Variants in MCTP1 observed in about 807,000 individuals in gnomAD.
MCTP1 encodes the protein multiple C2 and transmembrane domain containing 1, also known as multiple C2 and transmembrane domain-containing protein 1.
MCTP1 carries 69 observed loss-of-function variants against 120.6 expected under a neutral mutation model. That is an observed-to-expected ratio of 0.57 (90% CI 0.47 to 0.70). MCTP1 has a LOEUF of 0.70. Among genes scored for constraint, MCTP1 ranks in the 30% least tolerant of loss-of-function variants. The probability of loss-of-function intolerance (pLI) is 0.00; values close to 1 mark genes in which losing one functional copy is unlikely to be tolerated. For missense variants in MCTP1, 1,203 were observed against 1,248.8 expected (o/e 0.96, Z 0.55); for synonymous variants, 529 against 493.1 (o/e 1.07, Z -0.96).
intron 1 of MCTP1, among the ~76,000 whole-genome samples, chr5:95,165,723 T>G (rs1009818011): frequency 3.3e-5 from 5 of 152,216 alleles, no homozygotes; most frequent in Admixed American, 2.0e-4. Context: ...TATCTTAATC[T>G]GTGAGTCTGT....
intron 19 of MCTP1, among the ~76,000 whole-genome samples, chr5:94,738,309 T>A (rs1327318945): frequency 6.6e-6 from 1 of 152,214 alleles, no homozygotes; most frequent in East Asian, 1.9e-4. Flanking sequence ...GATTCTCCAC[T>A]GTCTCTTAAG....
At chr5:95,011,616 C>G (rs1835970834) in intron 2 of MCTP1, among the ~76,000 whole-genome samples, 1 of 151,880 alleles carries the variant, frequency 6.6e-6, no homozygotes, top group Non-Finnish European at 1.5e-5. Flanking sequence ...CTCCCTCACT[C>G]TCTCTCTCTC....
intron 9 of MCTP1, among the ~76,000 whole-genome samples, chr5:94,910,655 A>T (rs1808310272): frequency 6.6e-6 from 1 of 152,218 alleles, no homozygotes; most frequent in South Asian, 2.1e-4. Flanking sequence ...GCTGGGTTTC[A>T]TATTTCATAC....
At chr5:94,996,628 G>A (rs536388006) in intron 2 of MCTP1, among the ~76,000 whole-genome samples, 169 of 152,200 alleles carry the variant, frequency 1.1e-3, no homozygotes, top group African/African-American at 3.9e-3. Flanking sequence ...ATACTGTATT[G>A]TTTATGGTAT....
chr5:94,825,983 G>T, intron 17 of MCTP1: 1 of 271,434 alleles, frequency 3.7e-6, no homozygotes, highest in South Asian at 5.5e-5. Flanking sequence ...TAAGCCTGTT[G>T]ATCTGGTCCT....
chr5:94,875,811 GAA>G (rs1426663873), intron 12 of MCTP1, among the ~76,000 whole-genome samples: 4 of 150,726 alleles, frequency 2.7e-5, no homozygotes, highest in Admixed American at 6.6e-5. Flanking sequence ...GATATTTCTA[GAA>G]TCTGACAAAG....
chr5:95,263,510 G>A (rs1242343340), intron 1 of MCTP1, among the ~76,000 whole-genome samples: 6 of 152,022 alleles, frequency 3.9e-5, no homozygotes, highest in East Asian at 1.9e-4. Context: ...TCTCACCCAC[G>A]CCCACTGCTC....
chr5:95,138,233 A>ACG (rs558143445), intron 1 of MCTP1, among the ~76,000 whole-genome samples: 1 of 142,532 alleles, frequency 7.0e-6, no homozygotes, highest in African/African-American at 2.6e-5. Context: ...GTGAGATGCA[A>ACG]CCCCCCCCCG....
intron 17 of MCTP1, among the ~76,000 whole-genome samples, chr5:94,855,826 G>A (rs1027572325): frequency 2.0e-5 from 3 of 151,566 alleles, no homozygotes; most frequent in Admixed American, 6.6e-5. Context: ...TCTCAATAAC[G>A]TTTCTCTGAT....
chr5:95,032,809 A>C (rs2151781125), intron 1 of MCTP1, among the ~76,000 whole-genome samples: 1 of 152,126 alleles, frequency 6.6e-6, no homozygotes, highest in African/African-American at 2.4e-5. Context: ...TTGTTTCTTC[A>C]AAAGGATAAA....
chr5:94,725,705 G>A lies in MCTP1; in HGVS notation c.2611-10819C>T, dbSNP rs557270780. On this transcript the variant is annotated intron_variant, in intron 19 of 22. Coordinates refer to ENST00000515393, the MANE Select transcript of MCTP1 (RefSeq NM_024717.7). ...GTAACTGGCTCTCTTGCTAAGTATGGTTCAAATGCTGCTTCCATCATTTTC... is the reference window on the plus strand; with the variant it reads ...GTAACTGGCTCTCTTGCTAAGTATGATTCAAATGCTGCTTCCATCATTTTC... Among the ~76,000 whole-genome samples, 7 of 152,218 alleles carry A rather than the reference G, an allele frequency of 4.6e-5. No homozygotes were observed. In the South Asian group the frequency reaches 1.5e-3, roughly 32 times the overall value.
intron 3 of MCTP1, among the ~76,000 whole-genome samples, chr5:94,951,997 T>G (rs1820709311): frequency 6.6e-6 from 1 of 151,564 alleles, no homozygotes; most frequent in African/African-American, 2.4e-5. Flanking sequence ...CATGGTGAAA[T>G]GCCATCTCTA....
intron 1 of MCTP1, among the ~76,000 whole-genome samples, chr5:95,064,884 A>G (rs1050013481): frequency 4.7e-4 from 71 of 152,386 alleles, no homozygotes; most frequent in African/African-American, 1.6e-3. Flanking sequence ...AACCACTTCA[A>G]AAATGATTTG....
In MCTP1 at chr5:94,961,103, T is replaced by A. The variant is rs535652466; in HGVS notation, c.839-7742A>T. On this transcript the variant is annotated intron_variant, in intron 2 of 22. Transcript: ENST00000515393. Reference sequence around the variant, plus strand: ...AATACTATGCAGTCATAAAAAAGAATGAGTTCATGTCCTTTGTAGGGACAT... The same window carrying A: ...AATACTATGCAGTCATAAAAAAGAAAGAGTTCATGTCCTTTGTAGGGACAT... Among the ~76,000 whole-genome samples the A allele has an allele frequency of 2.6e-5, 4 of 152,240 alleles. No individual in the cohort carries two copies. In the East Asian group the frequency reaches 7.7e-4, roughly 29 times the overall value.
chr5:94,881,982 A>G (rs189898200), intron 12 of MCTP1, among the ~76,000 whole-genome samples: 63 of 152,306 alleles, frequency 4.1e-4, no homozygotes, highest in Admixed American at 1.3e-3. Flanking sequence ...ATTCAATGTA[A>G]CAGAACTGAT....
intron 1 of MCTP1, among the ~76,000 whole-genome samples, chr5:95,189,934 G>C (rs367961161): frequency 6.6e-5 from 10 of 152,124 alleles, no homozygotes; most frequent in African/African-American, 1.2e-4. Context: ...TTAACAAATA[G>C]AGCAGGAGAT....
At chr5:95,042,589 T>C (rs1842534144) in intron 1 of MCTP1, among the ~76,000 whole-genome samples, 1 of 152,230 alleles carries the variant, frequency 6.6e-6, no homozygotes, top group South Asian at 2.1e-4. Context: ...ATGCATTGGC[T>C]GCATACTCTA....
rs968288247 is a variant in MCTP1 at position 94,705,206 on chromosome 5, A to G, written c.*2290T>C. On this transcript the variant is annotated 3_prime_UTR_variant, in exon 23 of 23. Coordinates refer to ENST00000515393, the MANE Select transcript of MCTP1 (RefSeq NM_024717.7). ...CAGCTCTCAAGACAGAATTGCAGCT[A>G]TGTGAGAAGGGGAAAGAAATAAATA... The G allele has an allele frequency of 3.3e-5, 5 of 151,506 alleles. No individual in the cohort carries two copies. Among genetic ancestry groups the G allele is most frequent in the African/African-American group, 1.2e-4 (5 of 41,350 alleles). The allele number at this position is 151,506 out of a possible 1,614,324, so 9.4% of individuals were successfully genotyped here. A position where few individuals can be genotyped will look rare whatever the true frequency, so the allele number is the denominator to read the frequency against.
At chr5:95,224,865 A>T (rs1209298579) in intron 1 of MCTP1, among the ~76,000 whole-genome samples, 1 of 152,170 alleles carries the variant, frequency 6.6e-6, no homozygotes. Flanking sequence ...ACAGCTACTC[A>T]ATTCAAGTGT....
Sources: allele counts gnomAD v4.1 joint callset (sites outside exome capture counted in the v4.1 genomes callset), GRCh38; gene constraint gnomAD v4.1.1; transcripts MANE v1.5; gene names NCBI Gene and HGNC (gene_info 2026-07-23, HGNC 2026-07-21).